Variants in IL1R1 observed in about 807,000 individuals in gnomAD.
IL1R1 encodes interleukin 1 receptor type 1, also known as interleukin-1 receptor type 1.
Under a neutral mutation model 50.2 loss-of-function variants are expected in IL1R1, and 22 were observed. That is an observed-to-expected ratio of 0.44 (90% confidence interval 0.31 to 0.63). The LOEUF (loss-of-function observed/expected upper bound fraction) is 0.63. Ranked by LOEUF, IL1R1 falls within the 20% of genes least tolerant of loss-of-function variation. The probability of loss-of-function intolerance (pLI) is 0.07; values close to 1 mark genes in which losing one functional copy is unlikely to be tolerated. For missense variants in IL1R1, 509 were observed against 676.2 expected (o/e 0.75, Z 2.74); for synonymous variants, 251 against 236.7 (o/e 1.06, Z -0.55).
intron 3 of IL1R1, among the ~76,000 whole-genome samples, chr2:102,162,559 CTGTT>C (rs1466512119): frequency 1.3e-5 from 2 of 150,260 alleles, no homozygotes. Flanking sequence ...TTAGTCATAA[CTGTT>C]TGTTGTGTAT....
intron 1 of IL1R1, among the ~76,000 whole-genome samples, chr2:102,110,911 G>C (rs935590486): frequency 1.3e-5 from 2 of 152,108 alleles, no homozygotes; most frequent in Non-Finnish European, 2.9e-5. Flanking sequence ...AGCGAGTAGG[G>C]AGCCACGGTC....
At chr2:102,086,536 CCT>C (rs1454191154) in intron 1 of IL1R1, among the ~76,000 whole-genome samples, 4 of 143,662 alleles carry the variant, frequency 2.8e-5, no homozygotes, top group African/African-American at 1.0e-4. Flanking sequence ...CCTTTCTCCC[CCT>C]CTTTTTTTTT....
rs559098307 is a variant in IL1R1 at position 102,125,889 on chromosome 2, T to C, written c.-84+21017T>C. Among the ~76,000 whole-genome samples the C allele has an allele frequency of 2.0e-5, 3 of 152,288 alleles. No homozygotes were observed. In the South Asian group the frequency reaches 6.2e-4, roughly 32 times the overall value. ...GAAATGGTTCTTCCCAGAAGACTTA[T>C]TGCTGAGTAGGTCACAAACCATTGA... On this transcript the variant is annotated intron_variant, in intron 1 of 10. Coordinates refer to the IL1R1 transcript ENST00000409329.
At chr2:102,076,969 T>A (rs889234876) in intron 1 of IL1R1, among the ~76,000 whole-genome samples, 1 of 152,236 alleles carries the variant, frequency 6.6e-6, no homozygotes, top group African/African-American at 2.4e-5. Flanking sequence ...AATTCATTAA[T>A]GCTCTGCTCA....
In IL1R1 at chr2:102,076,379, G is replaced by A. The variant is rs912185754; in HGVS notation, c.-84+5846G>A. On this transcript the variant is annotated intron_variant, in intron 1 of 11. Coordinates refer to the IL1R1 transcript ENST00000409929. ...TTTTTAGTAGAGACGGGGTTTCACC[G>A]TGTTAGCCAGGATGGTCTCAATCTC... Among the ~76,000 whole-genome samples the A allele has an allele frequency of 5.9e-5, 9 of 151,980 alleles. No homozygotes were observed. The South Asian group carries it at 6.2e-4, about 11-fold the overall frequency.
At chr2:102,169,090 T>A (rs1344843184) in intron 7 of IL1R1, among the ~76,000 whole-genome samples, 1 of 152,160 alleles carries the variant, frequency 6.6e-6, no homozygotes, top group Non-Finnish European at 1.5e-5. Context: ...AAAATTATAT[T>A]TGACATCTTA....
intron 8 of IL1R1, 57 bp downstream of exon 8, chr2:102,171,975 AT>A: frequency 1.1e-6 from 1 of 886,598 alleles, no homozygotes; most frequent in Non-Finnish European, 1.7e-6. Flanking sequence ...GATATTTTAT[AT>A]AACCTTGTCG....
In IL1R1 at chr2:102,095,144, C is replaced by T. The variant is rs188795155; in HGVS notation, c.-84+24611C>T. Among the ~76,000 whole-genome samples, 16 of 152,326 alleles carry T rather than the reference C, an allele frequency of 1.1e-4. No homozygotes were observed. In the East Asian group the frequency reaches 1.7e-3, roughly 17 times the overall value. On this transcript the variant is annotated intron_variant, in intron 1 of 11. Transcript: ENST00000409929. ...AACACGGTGTCCTTTCTCATTGCCA[C>T]ATCATAAACCAGTCTTTCCCCTGAG...
intron 1 of IL1R1, among the ~76,000 whole-genome samples, chr2:102,150,885 G>T (rs1683591981): frequency 6.6e-6 from 1 of 152,154 alleles, no homozygotes; most frequent in Non-Finnish European, 1.5e-5. Flanking sequence ...TGAACAGGGG[G>T]AACCGTATGC....
intron 1 of IL1R1, among the ~76,000 whole-genome samples, chr2:102,111,687 G>A (rs1231857697): frequency 6.6e-6 from 1 of 152,084 alleles, no homozygotes; most frequent in Non-Finnish European, 1.5e-5. Flanking sequence ...AGCAGGAAGG[G>A]GACAGTGAAG....
intron 1 of IL1R1, among the ~76,000 whole-genome samples, chr2:102,082,987 A>G (rs1679281251): frequency 6.6e-6 from 1 of 152,208 alleles, no homozygotes; most frequent in African/African-American, 2.4e-5. Flanking sequence ...ACGAACAGGA[A>G]CAATGTCAAA....
intron 1 of IL1R1, among the ~76,000 whole-genome samples, chr2:102,083,906 T>C (rs1679326937): frequency 6.6e-6 from 1 of 151,648 alleles, no homozygotes; most frequent in Non-Finnish European, 1.5e-5. Flanking sequence ...ATCACGCCAC[T>C]GCACTCCAGC....
chr2:102,136,827 C>G (rs957439882), intron 1 of IL1R1, among the ~76,000 whole-genome samples: 6 of 152,218 alleles, frequency 3.9e-5, no homozygotes, highest in Admixed American at 1.3e-4. Flanking sequence ...ACTCCTGCAT[C>G]TGACCAGATT....
In IL1R1 at chr2:102,157,843, C is replaced by A. The variant is rs1484494421; in HGVS notation, c.61+58C>A. The A allele has an allele frequency of 1.5e-5, 16 of 1,086,464 alleles. No homozygotes were observed. The Admixed American group carries it at 2.5e-4, about 17-fold the overall frequency. 67.3% of individuals were successfully genotyped at this position (1,086,464 alleles called of 1,614,324 possible). A position where few individuals can be genotyped will look rare whatever the true frequency, so the allele number is the denominator to read the frequency against. ...CTAAGAAAATCTGTTATTTAGAATA[C>A]ATGAAGTACCTTCCCTAACAGAGTC... is the stretch of plus-strand genomic sequence containing the variant. On this transcript the variant is annotated intron_variant, in intron 3 of 11. Coordinates refer to ENST00000410023, the MANE Select transcript of IL1R1 (RefSeq NM_000877.4).
rs1685175730 is a variant in IL1R1, at chr2:102,166,288, C to T, written c.655+7C>T. On this transcript the variant is annotated splice_region_variant and intron_variant, in intron 6 of 11. Coordinates refer to ENST00000410023, the MANE Select transcript of IL1R1 (RefSeq NM_000877.4). ...ATAGAATTTATTACTCTAGGTGAGT[C>T]ATAGCTCCAGCCCTAAAAGGTTTAG... is the stretch of plus-strand genomic sequence containing the variant. The T allele has an allele frequency of 1.2e-6, 2 of 1,602,416 alleles. No homozygotes were observed. The highest frequency in any genetic ancestry group is 2.2e-5 in the South Asian group (2 of 89,980).
At chr2:102,110,817 A>G (rs143330839) in intron 1 of IL1R1, among the ~76,000 whole-genome samples, 7 of 152,254 alleles carry the variant, frequency 4.6e-5, no homozygotes, top group Middle Eastern at 3.4e-3. Flanking sequence ...CCAGGGTTGC[A>G]TGAAACAGCT....
At chr2:102,133,193 C>CA (rs1682136337) in intron 1 of IL1R1, among the ~76,000 whole-genome samples, 1 of 138,044 alleles carries the variant, frequency 7.2e-6, no homozygotes, top group African/African-American at 2.9e-5. Flanking sequence ...GCAGTGAGCC[C>CA]ATATCGTGCC....
At chr2:102,073,047 A>G (rs985572177) in intron 1 of IL1R1, among the ~76,000 whole-genome samples, 3 of 152,034 alleles carry the variant, frequency 2.0e-5, no homozygotes, top group Non-Finnish European at 4.4e-5. Flanking sequence ...ATTTTTCTTA[A>G]ATGTTTTCAT....
intron 1 of IL1R1, among the ~76,000 whole-genome samples, chr2:102,070,972 T>C (rs1044994864): frequency 6.6e-6 from 1 of 152,124 alleles, no homozygotes; most frequent in African/African-American, 2.4e-5. Context: ...ACATTCTTTT[T>C]CAAGATAGAC....
Sources: allele counts gnomAD v4.1 joint callset (sites outside exome capture counted in the v4.1 genomes callset), GRCh38; gene constraint gnomAD v4.1.1; transcripts MANE v1.5; gene names NCBI Gene and HGNC (gene_info 2026-07-23, HGNC 2026-07-21).